The following ALKBH8 variants were observed in gnomAD, a reference collection of about 807,000 sequenced individuals.
ALKBH8 encodes the protein tRNA (carboxymethyluridine(34)-5-O)-methyltransferase ALKBH8.
A neutral mutation model predicts 59.8 loss-of-function variants in ALKBH8; 36 were observed. The observed-to-expected ratio is 0.60, with a 90% CI of 0.46 to 0.79. The LOEUF (loss-of-function observed/expected upper bound fraction) is 0.79, where lower values mean the gene tolerates loss of function less well. Ranked by LOEUF, ALKBH8 falls within the 30% of genes least tolerant of loss-of-function variation. The pLI is 0.00. For missense variants in ALKBH8, 768 were observed against 801.0 expected (o/e 0.96, Z 0.50); for synonymous variants, 276 against 273.6 (o/e 1.01, Z -0.09).
intron 8 of ALKBH8, among the ~76,000 whole-genome samples, chr11:107,531,338 T>C (rs990213592): frequency 2.0e-5 from 3 of 152,162 alleles, no homozygotes; most frequent in African/African-American, 7.2e-5. Flanking sequence ...TAATGGTCTC[T>C]CCTCAAAAGG....
chr11:107,565,611 GCTCAGGCCGGATT>G lies in ALKBH8; in HGVS notation c.-30_-18del. 6.5e-7 allele frequency: 1 copy of G among 1,535,722 alleles called. No individual in the cohort carries two copies. The highest frequency in any genetic ancestry group is 8.7e-7 in the Non-Finnish European group (1 of 1,146,908). On this transcript the variant is annotated 5_prime_UTR_variant, in exon 1 of 12. Coordinates refer to ENST00000428149, the MANE Select transcript of ALKBH8 (RefSeq NM_138775.3). ...AGAAGTGCCACACACCTCCGCTTCG[GCTCAGGCCGGATT>G]CTCACCATGCGTGTGCCTTCTTCTT...
At chr11:107,565,025 A>T (rs1435181280) in intron 1 of ALKBH8, 2 of 153,330 alleles carry the variant, frequency 1.3e-5, no homozygotes, top group Non-Finnish European at 2.9e-5. Flanking sequence ...GAGTTCTCAC[A>T]TGGTATTATA....
In ALKBH8 at chr11:107,553,185, T is replaced by C. The variant is rs766846643; in HGVS notation, c.518A>G (p.His173Arg). ...DNQNSQKSLKHRRVKHFGYEF... is the reference protein window; with the variant it reads ...DNQNSQKSLKRRRVKHFGYEF... ...ATAACCAAAATGCTTTACTCTTCTG[T>C]GTTTTAAGGATTTTTGAGCTGTGTG... The change falls in exon 5 of 12, where the codon CAC becomes CGC. Residue 173 changes from histidine to arginine, a missense_variant. His to Arg is a conservative substitution (Grantham distance 29). Transcript: ENST00000428149. The C allele has an allele frequency of 6.2e-7, 1 of 1,607,340 alleles. No homozygotes were observed. The highest frequency in any genetic ancestry group is 8.5e-7 in the Non-Finnish European group (1 of 1,176,968).
intron 7 of ALKBH8, among the ~76,000 whole-genome samples, chr11:107,539,752 A>T (rs141604167): frequency 3.7e-4 from 56 of 152,302 alleles, no homozygotes; most frequent in African/African-American, 1.3e-3. Context: ...TCCATTGGCT[A>T]AATGTCTTGA....
intron 7 of ALKBH8, among the ~76,000 whole-genome samples, chr11:107,542,628 A>G (rs1159602570): frequency 1.3e-5 from 2 of 152,178 alleles, no homozygotes; most frequent in Non-Finnish European, 2.9e-5. Flanking sequence ...TTTGACACCA[A>G]CCAGGTGCAA....
intron 7 of ALKBH8, among the ~76,000 whole-genome samples, chr11:107,546,354 C>T (rs1251000078): frequency 6.6e-6 from 1 of 152,206 alleles, no homozygotes; most frequent in Non-Finnish European, 1.5e-5. Flanking sequence ...TCTCTCAAAA[C>T]ATGCCTGGCC....
At position 107,505,178 on chromosome 11, in the gene ALKBH8, A is replaced by T. The variant is rs1478182519; in HGVS notation, c.1475T>A (p.Leu492His). ...GAGTGCCTTCCCACCTGGTCTCAGG[A>T]GTCGAACAATTTCTTGGAGAGCTGC... The part of the protein sequence containing the change: ...RVAALQEIVR[L>H]LRPGGKALIY... Residue 492 changes from leucine to histidine, a missense_variant, in exon 12 of 12, where the codon CTC (leucine) becomes CAC (histidine). Transcript: ENST00000428149. 15 of 1,548,874 alleles carry T rather than the reference A, an allele frequency of 9.7e-6. No homozygotes were observed. Among genetic ancestry groups the T allele is most frequent in the Non-Finnish European group, 1.2e-5 (14 of 1,145,524 alleles).
At chr11:107,562,661 T>C (rs1053536004) in intron 1 of ALKBH8, 8 of 152,164 alleles carry the variant, frequency 5.3e-5, no homozygotes, top group African/African-American at 2.4e-5. Flanking sequence ...TCTCTTAAAA[T>C]GCCAGCAGTC....
intron 10 of ALKBH8, 123 bp from the exon 11 acceptor site, chr11:107,511,159 G>T: frequency 1.0e-6 from 1 of 997,064 alleles, no homozygotes; most frequent in Non-Finnish European, 1.5e-6. Context: ...AATGGTCTGA[G>T]ACCATGATAC....
At chr11:107,520,059 A>C (rs956783169) in intron 10 of ALKBH8, among the ~76,000 whole-genome samples, 1 of 152,218 alleles carries the variant, frequency 6.6e-6, no homozygotes, top group African/African-American at 2.4e-5. Context: ...AGGTAATTTT[A>C]TCCTGCGGTA....
At chr11:107,537,265 A>C (rs1210583614) in intron 7 of ALKBH8, among the ~76,000 whole-genome samples, 1 of 152,238 alleles carries the variant, frequency 6.6e-6, no homozygotes, top group Non-Finnish European at 1.5e-5. Flanking sequence ...AAATTGTTTA[A>C]GTTTGGTGAT....
At chr11:107,525,404 A>G (rs1384058797) in intron 9 of ALKBH8, 37 bp downstream of exon 9, 1 of 1,495,414 alleles carries the variant, frequency 6.7e-7, no homozygotes, top group South Asian at 1.3e-5. Context: ...TATTAAACTG[A>G]CTCCATTTTA....
In ALKBH8 at chr11:107,556,952, G is replaced by T; in HGVS notation, c.181C>A (p.Leu61Met). ...CCACATTTCTCTAAAACCGGGAGCA[G>T]CTGGTTCCGACTCACACCATTACCC... ...GLGNGVSRNQ[L>M]LPVLEKCGLV... The change falls in exon 3 of 12, where the codon CTG (leucine) becomes ATG (methionine). Residue 61 changes from leucine to methionine, a missense_variant. Physicochemically the swap from Leu to Met is conservative, Grantham distance 15. Coordinates refer to ENST00000428149, the MANE Select transcript of ALKBH8 (RefSeq NM_138775.3). 6.2e-7 allele frequency: 1 copy of T among 1,610,892 alleles called. No individual in the cohort carries two copies. The highest frequency in any genetic ancestry group is 1.1e-5 in the South Asian group (1 of 90,644).
chr11:107,518,077 A>G (rs893013459), intron 10 of ALKBH8, among the ~76,000 whole-genome samples: 5 of 143,734 alleles, frequency 3.5e-5, no homozygotes, highest in African/African-American at 1.2e-4. Flanking sequence ...ATTTAAAAAT[A>G]AAATACAGAA....
chr11:107,525,666 G>A, intron 8 of ALKBH8, 74 bp from the exon 9 acceptor site: 1 of 1,039,076 alleles, frequency 9.6e-7, no homozygotes, highest in Non-Finnish European at 1.3e-6. Flanking sequence ...AAAATGTTAA[G>A]TGAATAGAGA....
At chr11:107,547,955 G>A (rs1379349147) in intron 7 of ALKBH8, among the ~76,000 whole-genome samples, 3 of 152,164 alleles carry the variant, frequency 2.0e-5, no homozygotes, top group Non-Finnish European at 4.4e-5. Flanking sequence ...CCTGTGCAAT[G>A]ATCTTCTAGG....
At chr11:107,545,515 T>C (rs1310796225) in intron 7 of ALKBH8, among the ~76,000 whole-genome samples, 2 of 152,214 alleles carry the variant, frequency 1.3e-5, no homozygotes, top group East Asian at 3.8e-4. Context: ...GCAGGAAATA[T>C]ACTGAAAGAC....
intron 8 of ALKBH8, among the ~76,000 whole-genome samples, chr11:107,525,937 G>A (rs1032206461): frequency 5.3e-5 from 8 of 151,802 alleles, no homozygotes; most frequent in African/African-American, 1.7e-4. Context: ...TATATTAAAC[G>A]TAAAAGTATT....
At chr11:107,547,422 A>C (rs1459175152) in intron 7 of ALKBH8, among the ~76,000 whole-genome samples, 1 of 152,220 alleles carries the variant, frequency 6.6e-6, no homozygotes, top group East Asian at 1.9e-4. Flanking sequence ...ACAGAAGTGA[A>C]GGCTTTAAGT....
Sources: allele counts gnomAD v4.1 joint callset (sites outside exome capture counted in the v4.1 genomes callset), GRCh38; gene constraint gnomAD v4.1.1; transcripts MANE v1.5; gene names NCBI Gene and HGNC (gene_info 2026-07-23, HGNC 2026-07-21).